Variants in PHLDB2 observed in about 807,000 individuals in gnomAD.
The protein encoded by PHLDB2 is pleckstrin homology like domain family B member 2.
A neutral mutation model predicts 123.6 loss-of-function variants in PHLDB2; 71 were observed. That is an observed-to-expected ratio of 0.57 (90% CI 0.47 to 0.70). PHLDB2 has a LOEUF of 0.70. PHLDB2 is among the 30% of genes least tolerant of loss of function. The pLI is 0.00. For missense variants in PHLDB2, 1,446 were observed against 1,519.5 expected (o/e 0.95, Z 0.80); for synonymous variants, 547 against 541.6 (o/e 1.01, Z -0.14).
intron 1 of PHLDB2, among the ~76,000 whole-genome samples, chr3:111,880,480 T>C (rs2065880340): frequency 6.6e-6 from 1 of 152,148 alleles, no homozygotes; most frequent in South Asian, 2.1e-4. Flanking sequence ...GGAAAAGAGC[T>C]CTCATTGTCC....
Position 111,834,197 on chromosome 3 carries a change from AGAATTATATATG to A in PHLDB2, c.-48-11623_-48-11612del, listed in dbSNP as rs1299523955. Among the ~76,000 whole-genome samples the A allele has an allele frequency of 3.1e-4, 9 of 28,806 alleles. 1 individual carries two copies. In the East Asian group the frequency reaches 8.8e-3, roughly 28 times the overall value. 18.9% of individuals were successfully genotyped at this position (28,806 alleles called of 152,430 possible). ...GAATTATATATATTATATATGTAAT[AGAATTATATATG>A]TAATAGAATTATATATATATTATGT... On this transcript the variant is annotated intron_variant, in intron 1 of 17. Coordinates refer to the PHLDB2 transcript ENST00000393923.
chr3:111,779,383 G>A (rs2060327476), intron 1 of PHLDB2, among the ~76,000 whole-genome samples: 1 of 151,964 alleles, frequency 6.6e-6, no homozygotes, highest in African/African-American at 2.4e-5. Flanking sequence ...CCAATAGATA[G>A]TTTTTCAGCC....
chr3:111,760,929 G>A (rs955391543), intron 1 of PHLDB2, among the ~76,000 whole-genome samples: 2 of 152,138 alleles, frequency 1.3e-5, no homozygotes, highest in African/African-American at 2.4e-5. Context: ...GCTCACGCCT[G>A]TAATCCCAGC....
At chr3:111,763,570 T>C (rs1363863784) in intron 1 of PHLDB2, among the ~76,000 whole-genome samples, 1 of 152,142 alleles carries the variant, frequency 6.6e-6, no homozygotes, top group African/African-American at 2.4e-5. Flanking sequence ...TTTATTATTA[T>C]TGTTACTACA....
intron 1 of PHLDB2, among the ~76,000 whole-genome samples, chr3:111,866,781 A>G (rs912097309): frequency 6.6e-6 from 1 of 152,174 alleles, no homozygotes; most frequent in Non-Finnish European, 1.5e-5. Context: ...TAGTTATCCC[A>G]TGATTCTGCA....
chr3:111,856,709 T>C (rs1018055617), upstream of PHLDB2, among the ~76,000 whole-genome samples: 1 of 152,168 alleles, frequency 6.6e-6, no homozygotes, highest in African/African-American at 2.4e-5. Context: ...TGCAACACAG[T>C]GCTTTGGGTC....
chr3:111,871,758 T>C (rs2065352979), intron 1 of PHLDB2, among the ~76,000 whole-genome samples: 1 of 152,246 alleles, frequency 6.6e-6, no homozygotes, highest in African/African-American at 2.4e-5. Context: ...TTCACTGTTG[T>C]CGATTTATAG....
chr3:111,891,258 G>T (rs770068281), intron 2 of PHLDB2, among the ~76,000 whole-genome samples: 2 of 152,146 alleles, frequency 1.3e-5, no homozygotes, highest in Non-Finnish European at 2.9e-5. Context: ...GAATGGGGCC[G>T]CAGAGCAGGA....
At position 111,967,667 on chromosome 3, in the gene PHLDB2, A is replaced by G. The variant is rs1386458890; in HGVS notation, c.3169-11A>G. The G allele has an allele frequency of 4.4e-6, 7 of 1,597,642 alleles. No individual in the cohort carries two copies. The highest frequency in any genetic ancestry group is 6.0e-6 in the Non-Finnish European group (7 of 1,173,810). The stretch of plus-strand genomic sequence containing the variant: ...TGTTTTAAAATAATCATTGTTATGC[A>G]TAATGTTTAGGAACGGGAAATGGAA... On this transcript the variant is annotated splice_polypyrimidine_tract_variant and intron_variant, in intron 14 of 17. Transcript: ENST00000431670.
intron 1 of PHLDB2, among the ~76,000 whole-genome samples, chr3:111,810,987 G>A (rs1233625613): frequency 6.6e-6 from 1 of 152,158 alleles, no homozygotes; most frequent in Non-Finnish European, 1.5e-5. Context: ...GTCATCCTAG[G>A]TAAATGGCCC....
In PHLDB2 at chr3:111,830,617, G is replaced by A. The variant is rs554125922; in HGVS notation, c.-48-15204G>A. 1.9e-3 allele frequency among the ~76,000 whole-genome samples: 284 copies of A among 149,316 alleles called. 3 individuals are homozygous for A. Among genetic ancestry groups the A allele is most frequent in the African/African-American group, 6.3e-3 (257 of 40,738 alleles). ...GAGGTCAGGAGATCGAGACCATCCC[G>A]GCTAAAACGGTGAAACCCCGTCTCT... On this transcript the variant is annotated intron_variant, in intron 1 of 17. Transcript: ENST00000393923.
In PHLDB2 at chr3:111,969,650, A is replaced by G. The variant is rs1431439420; in HGVS notation, c.3316-40A>G. ...ACATCTGTGACCTAAAACAAAACAAATAATTAGCTATAGATGCAATGGGTT... is the reference window on the plus strand; with the variant it reads ...ACATCTGTGACCTAAAACAAAACAAGTAATTAGCTATAGATGCAATGGGTT... On this transcript the variant is annotated intron_variant, in intron 15 of 17. Coordinates refer to ENST00000431670, the MANE Select transcript of PHLDB2 (RefSeq NM_001134438.2). 5 of 1,532,568 alleles carry G rather than the reference A, an allele frequency of 3.3e-6. No individual in the cohort carries two copies. In the African/African-American group the frequency reaches 5.5e-5, roughly 17 times the overall value. 94.9% of individuals were successfully genotyped at this position (1,532,568 alleles called of 1,614,324 possible).
intron 1 of PHLDB2, among the ~76,000 whole-genome samples, chr3:111,825,396 G>A (rs955545341): frequency 6.6e-6 from 1 of 152,208 alleles, no homozygotes; most frequent in African/African-American, 2.4e-5. Flanking sequence ...TATTGACCAT[G>A]CTTACAGTAG....
intron 1 of PHLDB2, among the ~76,000 whole-genome samples, chr3:111,796,217 G>A (rs988048543): frequency 6.6e-5 from 10 of 152,140 alleles, no homozygotes; most frequent in Non-Finnish European, 1.2e-4. Flanking sequence ...TTTCTTTAGA[G>A]GGAGAGAGGA....
intron 1 of PHLDB2, among the ~76,000 whole-genome samples, chr3:111,773,148 T>C (rs914630165): frequency 1.2e-4 from 19 of 152,350 alleles, no homozygotes; most frequent in Middle Eastern, 3.4e-3. Flanking sequence ...CTCAGTGCTC[T>C]GATAGCATCG....
At chr3:111,871,409 A>AG (rs1294321783) in intron 1 of PHLDB2, among the ~76,000 whole-genome samples, 2 of 152,122 alleles carry the variant, frequency 1.3e-5, no homozygotes, top group Admixed American at 6.5e-5. Context: ...CACTTTTGGG[A>AG]GGCCAAGGCA....
intron 5 of PHLDB2, among the ~76,000 whole-genome samples, chr3:111,927,083 G>C (rs987462570): frequency 6.6e-6 from 1 of 152,178 alleles, no homozygotes; most frequent in South Asian, 2.1e-4. Flanking sequence ...AAAGAAAAAC[G>C]AATTTCACAT....
chr3:111,757,562 T>G (rs2059916526), intron 1 of PHLDB2, among the ~76,000 whole-genome samples: 1 of 152,240 alleles, frequency 6.6e-6, no homozygotes, highest in Admixed American at 6.5e-5. Context: ...TGAAGCCTTC[T>G]TCTCTCAACT....
At chr3:111,869,290 A>G (rs2065230442) in intron 1 of PHLDB2, among the ~76,000 whole-genome samples, 1 of 150,892 alleles carries the variant, frequency 6.6e-6, no homozygotes, top group South Asian at 2.1e-4. Flanking sequence ...ATTGTGCTCC[A>G]CTCCTTCCAT....
Sources: gnomAD v4.1 joint callset for allele counts (sites outside exome capture counted in the v4.1 genomes callset) on GRCh38, gnomAD v4.1.1 for gene constraint, MANE v1.5 for transcripts, NCBI Gene and HGNC (gene_info 2026-07-23, HGNC 2026-07-21) for gene names.